The following SORCS2 variants were observed in gnomAD, a reference collection of about 807,000 sequenced individuals.
The protein encoded by SORCS2 is VPS10 domain-containing receptor SorCS2.
Under a neutral mutation model 141.6 loss-of-function variants are expected in SORCS2, and 100 were observed. The observed-to-expected ratio is 0.71, with a 90% CI of 0.60 to 0.83. The LOEUF is 0.83. Ranked by LOEUF, SORCS2 falls within the 40% of genes least tolerant of loss-of-function variation. The probability of loss-of-function intolerance (pLI) is 0.00; values close to 1 mark genes in which losing one functional copy is unlikely to be tolerated. For synonymous variants in SORCS2, 789 were observed against 676.9 expected, an observed-to-expected ratio of 1.17 and a Z score of -2.57; for missense variants, 1,646 against 1,560.2, an observed-to-expected ratio of 1.05 and a Z score of -0.93.
intron 9 of SORCS2, among the ~76,000 whole-genome samples, chr4:7,677,077 C>T (rs942237047): frequency 5.9e-5 from 9 of 152,048 alleles, no homozygotes; most frequent in Non-Finnish European, 1.3e-4. Context: ...TGCTCTCGCT[C>T]TCTGTCTCCC....
At chr4:7,318,110 A>G (rs1469072763) in intron 1 of SORCS2, among the ~76,000 whole-genome samples, 1 of 152,208 alleles carries the variant, frequency 6.6e-6, no homozygotes, top group African/African-American at 2.4e-5. Context: ...ATTATTGAGT[A>G]CCTACTATGT....
chr4:7,465,217 A>G (rs770392620), intron 2 of SORCS2, among the ~76,000 whole-genome samples: 62 of 152,256 alleles, frequency 4.1e-4, no homozygotes, highest in Non-Finnish European at 7.9e-4. Context: ...CTCCATGGCA[A>G]CATTCTCCTG....
At chr4:7,281,599 T>A (rs1012710114) in intron 1 of SORCS2, among the ~76,000 whole-genome samples, 4 of 152,180 alleles carry the variant, frequency 2.6e-5, no homozygotes, top group African/African-American at 7.2e-5. Flanking sequence ...CTCACTCATG[T>A]CATTGCCATC....
chr4:7,662,227 C>A, intron 6 of SORCS2, among the ~76,000 whole-genome samples: 1 of 147,150 alleles, frequency 6.8e-6, no homozygotes, highest in African/African-American at 2.5e-5. Context: ...CCCACCCTCC[C>A]CCCCCTCCCC....
At chr4:7,415,284 T>C (rs1397542906) in intron 2 of SORCS2, among the ~76,000 whole-genome samples, 1 of 152,200 alleles carries the variant, frequency 6.6e-6, no homozygotes, top group Non-Finnish European at 1.5e-5. Context: ...TGGGCTCCAG[T>C]CAAGATGTGG....
intron 3 of SORCS2, among the ~76,000 whole-genome samples, chr4:7,626,144 C>T (rs1427780539): frequency 6.6e-6 from 1 of 151,814 alleles, no homozygotes; most frequent in Non-Finnish European, 1.5e-5. Context: ...AAGACCCTGT[C>T]TCAAAATAAA....
At chr4:7,305,177 G>T (rs760382686) in intron 1 of SORCS2, among the ~76,000 whole-genome samples, 10 of 151,926 alleles carry the variant, frequency 6.6e-5, no homozygotes, top group Non-Finnish European at 1.2e-4. Flanking sequence ...GACTGCAGGC[G>T]CCTGCCACCG....
At chr4:7,413,131 C>G (rs369652691) in intron 2 of SORCS2, among the ~76,000 whole-genome samples, 4 of 152,016 alleles carry the variant, frequency 2.6e-5, no homozygotes, top group East Asian at 3.9e-4. Flanking sequence ...TGGGCAGGGC[C>G]AAATCCCTCT....
At position 7,621,951 on chromosome 4, in the gene SORCS2, T is replaced by A. The variant is rs571297043; in HGVS notation, c.649-16377T>A. ...ACTGCCTGGCTTGGTGAGCTCTATCTGCTTGTGACAACAGCGCTGTGAGTT... is the reference window on the plus strand; with the variant it reads ...ACTGCCTGGCTTGGTGAGCTCTATCAGCTTGTGACAACAGCGCTGTGAGTT... On this transcript the variant is annotated intron_variant, in intron 3 of 26. Transcript: ENST00000507866. 1.3e-5 allele frequency among the ~76,000 whole-genome samples: 2 copies of A among 152,330 alleles called. 1 individual carries two copies. Among genetic ancestry groups the A allele is most frequent in the East Asian group, 3.9e-4 (2 of 5,170 alleles).
intron 1 of SORCS2, among the ~76,000 whole-genome samples, chr4:7,215,605 G>C (rs1043830810): frequency 6.6e-6 from 1 of 152,264 alleles, no homozygotes; most frequent in African/African-American, 2.4e-5. Flanking sequence ...AGTCTGGTGG[G>C]GACGTGGAGA....
intron 7 of SORCS2, 120 bp from the exon 8 acceptor site, chr4:7,667,004 G>A: frequency 1.1e-6 from 1 of 880,822 alleles, no homozygotes; most frequent in Non-Finnish European, 1.9e-6. Context: ...AGCAGAACAG[G>A]TAGAAGGAAA....
chr4:7,617,735 C>T (rs746327026), intron 3 of SORCS2, among the ~76,000 whole-genome samples: 1 of 152,186 alleles, frequency 6.6e-6, no homozygotes, highest in African/African-American at 2.4e-5. Flanking sequence ...GTTCAAAATC[C>T]TGAAGCTCAG....
In SORCS2 at chr4:7,698,174, C is replaced by T. The variant is rs368011547; in HGVS notation, c.1668+900C>T. Among the ~76,000 whole-genome samples, 6 of 152,208 alleles carry T rather than the reference C, an allele frequency of 3.9e-5. No homozygotes were observed. The South Asian group carries it at 1.0e-3, about 26-fold the overall frequency. On this transcript the variant is annotated intron_variant, in intron 12 of 26. Coordinates refer to ENST00000507866, the MANE Select transcript of SORCS2 (RefSeq NM_020777.3). ...ACATGGTCTTTCTGGCTGAAGCTGG[C>T]CTGCCAACCTCATGGAGTGGCAGTG...
At chr4:7,475,733 T>C (rs1022364606) in intron 2 of SORCS2, among the ~76,000 whole-genome samples, 2 of 152,208 alleles carry the variant, frequency 1.3e-5, no homozygotes, top group African/African-American at 4.8e-5. Flanking sequence ...CATGCACATA[T>C]ACATGACCCC....
At position 7,723,047 on chromosome 4, in the gene SORCS2, C is replaced by T. The variant is rs77584011; in HGVS notation, c.2425-650C>T. ...TCCTTCACTCAATCCCCCACCTCTG[C>T]GAGGGAAATGCGGTTATTGGAAGGT... On this transcript the variant is annotated intron_variant, in intron 18 of 26. Coordinates refer to ENST00000507866, the MANE Select transcript of SORCS2 (RefSeq NM_020777.3). Among the ~76,000 whole-genome samples, 341 of 152,076 alleles carry T rather than the reference C, an allele frequency of 2.2e-3. 2 individuals carry two copies. Among genetic ancestry groups the T allele is most frequent in the African/African-American group, 7.6e-3 (317 of 41,510 alleles).
At chr4:7,447,659 G>C (rs1000201310) in intron 2 of SORCS2, among the ~76,000 whole-genome samples, 1 of 152,192 alleles carries the variant, frequency 6.6e-6, no homozygotes. Context: ...TTGGCTGCCA[G>C]AGCACGGGGG....
chr4:7,519,473 C>T (rs1210014466), intron 2 of SORCS2, among the ~76,000 whole-genome samples: 1 of 152,224 alleles, frequency 6.6e-6, no homozygotes, highest in Non-Finnish European at 1.5e-5. Context: ...GAGTCTCAGT[C>T]TCCCTGTCTG....
At chr4:7,629,228 C>A (rs894906910) in intron 3 of SORCS2, among the ~76,000 whole-genome samples, 1 of 151,844 alleles carries the variant, frequency 6.6e-6, no homozygotes, top group Non-Finnish European at 1.5e-5. Context: ...CAAGTGTATA[C>A]AATTATGATT....
chr4:7,315,543 G>C (rs911990798), intron 1 of SORCS2, among the ~76,000 whole-genome samples: 1 of 152,166 alleles, frequency 6.6e-6, no homozygotes, highest in Non-Finnish European at 1.5e-5. Context: ...GGTCTGGGGA[G>C]ACACAGACCA....
Sources: allele counts gnomAD v4.1 joint callset (sites outside exome capture counted in the v4.1 genomes callset), GRCh38; gene constraint gnomAD v4.1.1; transcripts MANE v1.5; gene names NCBI Gene and HGNC (gene_info 2026-07-23, HGNC 2026-07-21).